The following LRP1B variants were observed in gnomAD, a reference collection of about 807,000 sequenced individuals.
LRP1B encodes the protein LDL receptor related protein 1B.
In LRP1B, 217 loss-of-function variants were observed where a neutral mutation model predicts 556.6. That is an observed-to-expected ratio of 0.39 (90% CI 0.35 to 0.44). The LOEUF is 0.44. Ranked by LOEUF, LRP1B falls within the 20% of genes least tolerant of loss-of-function variation. LRP1B has a pLI of 1.00. For synonymous variants in LRP1B, 2,047 were observed against 1,865.8 expected (o/e 1.10, Z -2.50); for missense variants, 5,053 against 5,620.8 (o/e 0.90, Z 3.23).
chr2:140,769,404 C>G (rs2104935390), intron 34 of LRP1B, 60 bp from the exon 35 acceptor site: 1 of 1,422,484 alleles, frequency 7.0e-7, no homozygotes, highest in Admixed American at 2.3e-5. Flanking sequence ...ATTTAAAATA[C>G]AAATAATTTC....
chr2:140,246,114 G>A (rs1681149012), intron 87 of LRP1B, among the ~76,000 whole-genome samples: 1 of 151,244 alleles, frequency 6.6e-6, no homozygotes, highest in South Asian at 2.1e-4. Context: ...CAGCAGAGAT[G>A]GGAAGCCTGC....
chr2:141,021,411 T>C (rs1455717263), intron 11 of LRP1B, among the ~76,000 whole-genome samples: 3 of 152,040 alleles, frequency 2.0e-5, no homozygotes, highest in African/African-American at 7.2e-5. Flanking sequence ...TTCGCTGAGC[T>C]ATCTGCTTCA....
chr2:141,881,779 C>A (rs1250713283), intron 1 of LRP1B, among the ~76,000 whole-genome samples: 1 of 152,076 alleles, frequency 6.6e-6, no homozygotes, highest in Non-Finnish European at 1.5e-5. Context: ...GCAAAGTTCA[C>A]TGATGGTGAA....
chr2:141,762,863 A>G lies in LRP1B; in HGVS notation c.205+47416T>C, dbSNP rs61666362. On this transcript the variant is annotated intron_variant, in intron 2 of 90. Coordinates refer to ENST00000389484, the MANE Select transcript of LRP1B (RefSeq NM_018557.3). ...TTGTAACTGAGATAGGCTTCACAGGAATTTAGTTACCAGGTCACATCCCAA... is the reference window on the plus strand; with the variant it reads ...TTGTAACTGAGATAGGCTTCACAGGGATTTAGTTACCAGGTCACATCCCAA... 7.4e-3 allele frequency among the ~76,000 whole-genome samples: 1,121 copies of G among 152,306 alleles called. 17 individuals carry two copies. The highest frequency in any genetic ancestry group is 0.025 in the African/African-American group (1,035 of 41,578).
intron 84 of LRP1B, among the ~76,000 whole-genome samples, chr2:140,284,736 T>C (rs1224666905): frequency 1.5e-5 from 2 of 134,344 alleles, no homozygotes; most frequent in African/African-American, 2.7e-5. Context: ...GTTTTTTTTT[T>C]CAATGTTACA....
chr2:141,291,639 G>A (rs961783583), intron 3 of LRP1B, among the ~76,000 whole-genome samples: 19 of 151,880 alleles, frequency 1.3e-4, no homozygotes, highest in Non-Finnish European at 2.2e-4. Context: ...GGCGGATCAC[G>A]AGGTCAGGAT....
At chr2:142,115,544 AATAT>A (rs376937171) in intron 1 of LRP1B, among the ~76,000 whole-genome samples, 19 of 39,838 alleles carry the variant, frequency 4.8e-4, no homozygotes, top group Admixed American at 9.8e-4. Flanking sequence ...TTACATATGT[AATAT>A]ATATATTATA....
chr2:142,097,063 A>AC (rs1706397933), intron 1 of LRP1B, among the ~76,000 whole-genome samples: 1 of 83,078 alleles, frequency 1.2e-5, no homozygotes, highest in Non-Finnish European at 2.8e-5. Flanking sequence ...ATTGCAAAAA[A>AC]AAAACCCCGG....
At chr2:140,409,861 TC>T (rs1326933201) in intron 66 of LRP1B, among the ~76,000 whole-genome samples, 1 of 152,058 alleles carries the variant, frequency 6.6e-6, no homozygotes, top group Non-Finnish European at 1.5e-5. Context: ...TAAATAATTA[TC>T]CCAAACAAAG....
At chr2:140,404,331 C>T (rs575037508) in intron 66 of LRP1B, among the ~76,000 whole-genome samples, 24 of 151,892 alleles carry the variant, frequency 1.6e-4, no homozygotes, top group South Asian at 1.0e-3. Flanking sequence ...CCCGCCACCA[C>T]GCCCAGCTAT....
intron 2 of LRP1B, among the ~76,000 whole-genome samples, chr2:141,487,100 T>A (rs1243613098): frequency 2.6e-5 from 4 of 152,158 alleles, no homozygotes; most frequent in Non-Finnish European, 4.4e-5. Flanking sequence ...ATTTCACACA[T>A]GCTTTTTCAT....
At chr2:141,822,120 C>CAGAG (rs1452163408) in intron 1 of LRP1B, among the ~76,000 whole-genome samples, 123 of 103,366 alleles carry the variant, frequency 1.2e-3, no homozygotes, top group African/African-American at 4.6e-3. Flanking sequence ...CACACACACA[C>CAGAG]ACACACACAC....
At chr2:140,851,007 A>C (rs930630591) in intron 28 of LRP1B, among the ~76,000 whole-genome samples, 1 of 152,136 alleles carries the variant, frequency 6.6e-6, no homozygotes, top group African/African-American at 2.4e-5. Flanking sequence ...TTAAAGCTAC[A>C]TGTACCTAAA....
intron 2 of LRP1B, among the ~76,000 whole-genome samples, chr2:141,482,113 C>T (rs1455741510): frequency 6.6e-6 from 1 of 151,704 alleles, no homozygotes; most frequent in Non-Finnish European, 1.5e-5. Flanking sequence ...CAGAAGTTTG[C>T]AATGTGATAA....
intron 3 of LRP1B, among the ~76,000 whole-genome samples, chr2:141,423,884 G>A (rs1289117730): frequency 6.7e-6 from 1 of 149,800 alleles, no homozygotes; most frequent in Non-Finnish European, 1.5e-5. Flanking sequence ...AAATGATTTT[G>A]GCTCTTTGAG....
At chr2:140,452,967 T>TG (rs1205476497) in intron 62 of LRP1B, among the ~76,000 whole-genome samples, 1 of 149,732 alleles carries the variant, frequency 6.7e-6, no homozygotes, top group African/African-American at 2.4e-5. Context: ...GTGTGTTTTT[T>TG]TTTTTTTTTT....
At chr2:141,589,781 G>A (rs1687272010) in intron 2 of LRP1B, among the ~76,000 whole-genome samples, 1 of 152,150 alleles carries the variant, frequency 6.6e-6, no homozygotes, top group African/African-American at 2.4e-5. Context: ...GAGGTGGGAT[G>A]TTGCTGTTTA....
intron 66 of LRP1B, among the ~76,000 whole-genome samples, chr2:140,414,659 A>G (rs1685105793): frequency 6.6e-6 from 1 of 152,208 alleles, no homozygotes; most frequent in African/African-American, 2.4e-5. Context: ...ATAATTTCTT[A>G]TGCCTGTCTT....
chr2:140,711,577 C>G (rs544661625), intron 37 of LRP1B, among the ~76,000 whole-genome samples: 1 of 121,280 alleles, frequency 8.2e-6, no homozygotes, highest in Admixed American at 9.3e-5. Context: ...TCTTTACTAC[C>G]CGTACATTAT....
Sources: gnomAD v4.1 joint callset for allele counts (sites outside exome capture counted in the v4.1 genomes callset) on GRCh38, gnomAD v4.1.1 for gene constraint, MANE v1.5 for transcripts, NCBI Gene and HGNC (gene_info 2026-07-23, HGNC 2026-07-21) for gene names.